The following IL17REL variants were observed in gnomAD, a reference collection of about 807,000 sequenced individuals.
IL17REL encodes the protein interleukin 17 receptor E like.
A neutral mutation model predicts 49.0 loss-of-function variants in IL17REL; 36 were observed. That is an observed-to-expected ratio of 0.73 (90% CI 0.56 to 0.97). The LOEUF (loss-of-function observed/expected upper bound fraction) is 0.97. Ranked by LOEUF, IL17REL falls within the 50% of genes least tolerant of loss-of-function variation. The pLI is 0.00. For synonymous variants in IL17REL, 206 were observed against 192.4 expected (o/e 1.07, Z -0.58); for missense variants, 470 against 453.9 (o/e 1.04, Z -0.32).
At chr22:49,991,952 A>G (rs1190297895), downstream of IL17REL, among the ~76,000 whole-genome samples, 1 of 152,198 alleles carries the variant, frequency 6.6e-6, no homozygotes, top group Non-Finnish European at 1.5e-5. Context: ...ACATCAGTCA[A>G]TATATGTAAG....
chr22:50,004,585 G>A (rs1226285929), intron 1 of IL17REL, among the ~76,000 whole-genome samples: 2 of 152,122 alleles, frequency 1.3e-5, no homozygotes, highest in East Asian at 1.9e-4. Flanking sequence ...CCATATGTGT[G>A]AGGCCAACAA....
upstream of IL17REL, among the ~76,000 whole-genome samples, chr22:50,010,871 G>A (rs1159335699): frequency 2.6e-5 from 4 of 151,850 alleles, no homozygotes; most frequent in Non-Finnish European, 4.4e-5. Context: ...GGGGTTTTCC[G>A]TCGTGCTTCT....
At chr22:50,000,538 T>C (rs1377300185) in exon 4 of IL17REL, 1 of 1,613,442 alleles carries the variant, frequency 6.2e-7, no homozygotes, top group Middle Eastern at 1.7e-4. Flanking sequence ...GTCCTCAGGG[T>C]GACATAGAGG....
intron 1 of IL17REL, among the ~76,000 whole-genome samples, chr22:50,007,853 T>TAAAC (rs137861): frequency 0.54 from 82,088 of 151,524 alleles, 22,684 homozygotes; most frequent in South Asian, 0.76. Flanking sequence ...CAAGTAAAAA[T>TAAAC]AAAATAGTTT....
chr22:50,011,379 G>C (rs2061140669), upstream of IL17REL, among the ~76,000 whole-genome samples: 2 of 151,796 alleles, frequency 1.3e-5, no homozygotes, highest in African/African-American at 4.8e-5. Flanking sequence ...CCGTCCTAGC[G>C]TGGACAGCGC....
chr22:50,006,428 C>T (rs1403633024), intron 1 of IL17REL, among the ~76,000 whole-genome samples: 2 of 152,036 alleles, frequency 1.3e-5, no homozygotes, highest in African/African-American at 4.8e-5. Flanking sequence ...GACGTTGAGC[C>T]GCTGAAGGTA....
Position 49,999,984 on chromosome 22 carries a change from G to C in IL17REL, c.335-17C>G, listed in dbSNP as rs1239819153. The C allele has an allele frequency of 2.0e-6, 3 of 1,494,200 alleles. No homozygotes were observed. The highest frequency in any genetic ancestry group is 2.9e-5 in the African/African-American group (2 of 69,890). The allele number at this position is 1,494,200 out of a possible 1,614,324, so 92.6% of individuals were successfully genotyped here. ...GCTTCCCCGCTGCAGGAGGCGGCAAGTCGGGGCCGCGCTGGGACCAGCGGT... is the reference window on the plus strand; with the variant it reads ...GCTTCCCCGCTGCAGGAGGCGGCAACTCGGGGCCGCGCTGGGACCAGCGGT... On this transcript the variant is annotated splice_polypyrimidine_tract_variant and intron_variant, in intron 4 of 12. Transcript: ENST00000341280.
At chr22:50,001,189 A>C (rs756492259) in exon 2 of IL17REL, 3 of 1,592,364 alleles carry the variant, frequency 1.9e-6, no homozygotes, top group Admixed American at 1.7e-5. Context: ...TGACCTGGAC[A>C]TGGACACGGG....
At chr22:49,998,797 A>G (rs1461284421) in intron 7 of IL17REL, among the ~76,000 whole-genome samples, 1 of 142,716 alleles carries the variant, frequency 7.0e-6, no homozygotes, top group African/African-American at 2.7e-5. Context: ...GTGCGTATGC[A>G]TGGGTGTGCC....
upstream of IL17REL, among the ~76,000 whole-genome samples, chr22:50,009,227 C>T (rs1052766044): frequency 5.3e-5 from 6 of 113,636 alleles, no homozygotes; most frequent in African/African-American, 1.0e-4. Flanking sequence ...TGGTGCGGGG[C>T]GGGGGCATGC....
chr22:49,996,101 CAGCAGGCTGCCCT>C (rs1269772211), exon 13 of IL17REL: 1 of 152,354 alleles, frequency 6.6e-6, no homozygotes, highest in Non-Finnish European at 1.5e-5. Flanking sequence ...GTCCTGTGGG[CAGCAGGCTGCCCT>C]GAAATGGCTG....
downstream of IL17REL, among the ~76,000 whole-genome samples, chr22:49,993,663 C>T (rs1485654231): frequency 6.6e-6 from 1 of 152,126 alleles, no homozygotes; most frequent in African/African-American, 2.4e-5. This position sits in a 1 kb window ranked among gnomAD's most constrained non-coding sequence, Gnocchi z 6.0. Context: ...CAGTTTCCCC[C>T]ATCTGCAGAA....
Position 49,999,357 on chromosome 22 carries a change from G to A in IL17REL, c.547-12C>T, listed in dbSNP as rs775910823. 8 of 1,612,778 alleles carry A rather than the reference G, an allele frequency of 5.0e-6. No individual in the cohort carries two copies. The highest frequency in any genetic ancestry group is 6.8e-6 in the Non-Finnish European group (8 of 1,179,998). ...GTCGCAGACCAGCCCTGTGGGAGGG[G>A]CTGGGGTCAGCGCAGCCCACCCATC... On this transcript the variant is annotated splice_polypyrimidine_tract_variant and intron_variant, in intron 6 of 12. Transcript: ENST00000341280.
At chr22:49,996,787 A>G (rs1310659172) in exon 13 of IL17REL, 2 of 503,672 alleles carry the variant, frequency 4.0e-6, no homozygotes, top group Admixed American at 3.9e-5. Context: ...GCGGCCCCTG[A>G]GAGATGGGCA....
rs1212905867 is a variant in IL17REL at position 50,000,878 on chromosome 22, G to A, written c.110-15C>T. ...CCGCAGGCGCTCTGGGTGGAGGAAGGACCCGGCAGGGTGCATCAGAGCAGG... is the reference window on the plus strand; with the variant it reads ...CCGCAGGCGCTCTGGGTGGAGGAAGAACCCGGCAGGGTGCATCAGAGCAGG... On this transcript the variant is annotated splice_polypyrimidine_tract_variant and intron_variant, in intron 2 of 12. Transcript: ENST00000341280. 4.6e-6 allele frequency: 7 copies of A among 1,513,456 alleles called. No homozygotes were observed. Among genetic ancestry groups the A allele is most frequent in the Non-Finnish European group, 6.2e-6 (7 of 1,133,004 alleles). The allele number at this position is 1,513,456 out of a possible 1,614,324, so 93.8% of individuals were successfully genotyped here.
downstream of IL17REL, among the ~76,000 whole-genome samples, chr22:49,993,381 A>G (rs945517602): frequency 2.6e-5 from 4 of 152,092 alleles, no homozygotes; most frequent in Non-Finnish European, 2.9e-5. This position sits in a 1 kb window ranked among gnomAD's most constrained non-coding sequence, Gnocchi z 6.0. Context: ...CGGGGTCCTC[A>G]GCACTTTTCT....
upstream of IL17REL, among the ~76,000 whole-genome samples, chr22:50,011,117 C>A (rs1296928961): frequency 2.0e-5 from 3 of 151,610 alleles, no homozygotes; most frequent in African/African-American, 7.3e-5. Context: ...GCCCAGGCAG[C>A]GCCCCTACAC....
chr22:49,997,499 G>A lies in IL17REL; in HGVS notation c.878-83C>T, dbSNP rs949518725. The A allele has an allele frequency of 9.0e-6, 13 of 1,445,728 alleles. No individual in the cohort carries two copies. The highest frequency in any genetic ancestry group is 1.4e-5 in the African/African-American group (1 of 71,476). The allele number at this position is 1,445,728 out of a possible 1,614,324, so 89.6% of individuals were successfully genotyped here. On this transcript the variant is annotated intron_variant, in intron 10 of 12. Transcript: ENST00000341280. Reference sequence around the variant, plus strand: ...ATTTTCCAGGCTGTGGGGAGTGAAGGGTGAGACCCCCATCCGGCCCAGCAC... The same window carrying A: ...ATTTTCCAGGCTGTGGGGAGTGAAGAGTGAGACCCCCATCCGGCCCAGCAC...
downstream of IL17REL, among the ~76,000 whole-genome samples, chr22:49,992,337 C>G (rs143266493): frequency 6.6e-6 from 1 of 152,344 alleles, no homozygotes; most frequent in Non-Finnish European, 1.5e-5. Context: ...AGTCAGGGAC[C>G]CTGTTAGAGC....
Sources: allele counts gnomAD v4.1 joint callset (sites outside exome capture counted in the v4.1 genomes callset), GRCh38; gene constraint gnomAD v4.1.1; non-coding constraint Gnocchi (gnomAD v3.1); transcripts MANE v1.5; gene names NCBI Gene and HGNC (gene_info 2026-07-23, HGNC 2026-07-21).